The following C8orf34 variants were observed in gnomAD, a reference collection of about 807,000 sequenced individuals.
The protein encoded by C8orf34 is chromosome 8 open reading frame 34, also known as uncharacterized protein C8orf34.
Under a neutral mutation model 68.3 loss-of-function variants are expected in C8orf34, and 65 were observed. The ratio of observed to expected loss-of-function variants is 0.95; its 90% CI spans 0.78 to 1.17. The LOEUF is 1.17. Among genes scored for constraint, C8orf34 ranks in the 50% most tolerant of loss-of-function variants. C8orf34 has a pLI of 0.00. For missense variants in C8orf34, 664 were observed against 655.4 expected (o/e 1.01, Z -0.14); for synonymous variants, 244 against 241.2 (o/e 1.01, Z -0.11).
intron 4 of C8orf34, among the ~76,000 whole-genome samples, chr8:68,474,499 A>G (rs1812517641): frequency 6.6e-6 from 1 of 152,160 alleles, no homozygotes; most frequent in Admixed American, 6.6e-5. Flanking sequence ...TTATCCATTT[A>G]AGATATTTCA....
At chr8:68,427,853 A>G (rs1038450493) in intron 1 of C8orf34, among the ~76,000 whole-genome samples, 6 of 151,602 alleles carry the variant, frequency 4.0e-5, no homozygotes, top group African/African-American at 1.5e-4. Flanking sequence ...TTGTGATTGT[A>G]TAGTTATTTC....
intron 7 of C8orf34, among the ~76,000 whole-genome samples, chr8:68,575,324 G>T (rs1349574718): frequency 2.0e-5 from 3 of 152,048 alleles, no homozygotes; most frequent in African/African-American, 7.2e-5. Flanking sequence ...ATTTATACCA[G>T]CTATTTCCTA....
At chr8:68,533,475 C>G in intron 7 of C8orf34, 1 of 1,019,354 alleles carries the variant, frequency 9.8e-7, no homozygotes, top group Non-Finnish European at 1.2e-6. Flanking sequence ...TAATAATTGC[C>G]TTGTTTACAT....
chr8:68,449,942 G>A (rs1811277480), intron 3 of C8orf34, among the ~76,000 whole-genome samples: 1 of 152,062 alleles, frequency 6.6e-6, no homozygotes, highest in South Asian at 2.1e-4. Flanking sequence ...TGGTAGCATT[G>A]TACACAGAGT....
At chr8:68,526,658 A>C (rs1815002871) in intron 6 of C8orf34, among the ~76,000 whole-genome samples, 1 of 149,836 alleles carries the variant, frequency 6.7e-6, no homozygotes, top group Admixed American at 6.7e-5. Flanking sequence ...CTTAGTGCAA[A>C]GGGCACCCTT....
At chr8:68,702,095 T>C (rs1383691287) in intron 8 of C8orf34, among the ~76,000 whole-genome samples, 2 of 152,092 alleles carry the variant, frequency 1.3e-5, no homozygotes, top group African/African-American at 4.8e-5. Flanking sequence ...TCTGTATATT[T>C]TACTTGTTTG....
At chr8:68,599,518 GA>G (rs1184829475) in intron 7 of C8orf34, among the ~76,000 whole-genome samples, 1 of 150,024 alleles carries the variant, frequency 6.7e-6, no homozygotes, top group African/African-American at 2.4e-5. Context: ...AGGCCAATGT[GA>G]AAAAAAAAGT....
chr8:68,448,653 T>C (rs1235541752), intron 3 of C8orf34, among the ~76,000 whole-genome samples: 1 of 151,906 alleles, frequency 6.6e-6, no homozygotes, highest in Non-Finnish European at 1.5e-5. Context: ...ATTGGAAAAA[T>C]AGAAATTGGA....
At chr8:68,640,681 T>G (rs928398090) in intron 8 of C8orf34, among the ~76,000 whole-genome samples, 170 bp downstream of exon 8, 4 of 152,216 alleles carry the variant, frequency 2.6e-5, no homozygotes, top group African/African-American at 9.6e-5. Flanking sequence ...CTGTGCCCAG[T>G]GCCACTCAGA....
Position 68,818,284 on chromosome 8 carries a change from T to C in C8orf34, c.*38T>C, listed in dbSNP as rs1360364006. On this transcript the variant is annotated 3_prime_UTR_variant, in exon 14 of 14. Coordinates refer to ENST00000518698, the MANE Select transcript of C8orf34 (RefSeq NM_052958.4). ...AAGTTGCAAGTGGTCCTTAAAGAAA[T>C]GCAGTTATTCAAATCCTTATGTATA... 1.2e-6 allele frequency: 2 copies of C among 1,605,822 alleles called. No homozygotes were observed. Among genetic ancestry groups the C allele is most frequent in the African/African-American group, 1.3e-5 (1 of 74,844 alleles).
At chr8:68,654,438 C>T (rs999879998) in intron 8 of C8orf34, among the ~76,000 whole-genome samples, 6 of 152,110 alleles carry the variant, frequency 3.9e-5, no homozygotes, top group Admixed American at 3.3e-4. Flanking sequence ...TGCCCTTGTT[C>T]ACTTTCTCAC....
At chr8:68,798,167 T>G (rs1824232555) in intron 12 of C8orf34, among the ~76,000 whole-genome samples, 1 of 150,988 alleles carries the variant, frequency 6.6e-6, no homozygotes, top group Admixed American at 6.6e-5. Context: ...ATTTAGCTTT[T>G]AAATAGAGAC....
chr8:68,461,167 G>A (rs566628907), intron 3 of C8orf34, among the ~76,000 whole-genome samples: 199 of 152,324 alleles, frequency 1.3e-3, no homozygotes, highest in African/African-American at 4.2e-3. Flanking sequence ...GAGCCAATGC[G>A]ATCAACTGGA....
At chr8:68,338,298 T>A (rs576192000) in intron 1 of C8orf34, among the ~76,000 whole-genome samples, 60 of 152,274 alleles carry the variant, frequency 3.9e-4, no homozygotes, top group African/African-American at 1.3e-3. Flanking sequence ...CCCTTCAGAT[T>A]GGCAACATAT....
chr8:68,721,458 A>T, intron 10 of C8orf34, 21 bp downstream of exon 10: 1 of 1,465,310 alleles, frequency 6.8e-7, no homozygotes, highest in African/African-American at 1.4e-5. Context: ...TCATTGACTT[A>T]TTTTTTTTAA....
Position 68,381,039 on chromosome 8 carries a change from C to T in C8orf34, c.327+49700C>T, listed in dbSNP as rs527799201. Among the ~76,000 whole-genome samples the T allele has an allele frequency of 3.9e-5, 6 of 152,186 alleles. No homozygotes were observed. The East Asian group carries it at 1.2e-3, about 29-fold the overall frequency. ...GTGACAGAATTTACAATTAAGAATA[C>T]TAGAGGAAATCATCAGAAAGCACAG... On this transcript the variant is annotated intron_variant, in intron 1 of 13. Transcript: ENST00000518698.
At chr8:68,421,040 T>C (rs919459474) in intron 1 of C8orf34, among the ~76,000 whole-genome samples, 1 of 152,136 alleles carries the variant, frequency 6.6e-6, no homozygotes, top group Middle Eastern at 3.2e-3. Context: ...GTGAAAGGTG[T>C]TAACCCATAG....
At chr8:68,593,405 A>G (rs951153734) in intron 7 of C8orf34, among the ~76,000 whole-genome samples, 4 of 152,078 alleles carry the variant, frequency 2.6e-5, no homozygotes, top group Admixed American at 6.6e-5. Context: ...ACAGTTTTTT[A>G]ATACAGAGGC....
intron 9 of C8orf34, among the ~76,000 whole-genome samples, chr8:68,711,008 C>T (rs1489489627): frequency 2.0e-5 from 3 of 152,148 alleles, no homozygotes; most frequent in African/African-American, 7.2e-5. Context: ...TGCAGACACT[C>T]CCCAGTACCA....
Sources: gnomAD v4.1 joint callset for allele counts (sites outside exome capture counted in the v4.1 genomes callset) on GRCh38, gnomAD v4.1.1 for gene constraint, MANE v1.5 for transcripts, NCBI Gene and HGNC (gene_info 2026-07-23, HGNC 2026-07-21) for gene names.